The following KLRG1 variants were observed in gnomAD, a reference collection of about 807,000 sequenced individuals.
The protein encoded by KLRG1 is killer cell lectin like receptor G1.
In KLRG1, 16 loss-of-function variants were observed where a neutral mutation model predicts 21.8. That is an observed-to-expected ratio of 0.73 (90% CI 0.50 to 1.11). KLRG1 has a LOEUF of 1.11. Among genes scored for constraint, KLRG1 ranks in the 50% most tolerant of loss-of-function variants. KLRG1 has a pLI of 0.00. For missense variants in KLRG1, 173 were observed against 218.3 expected, an observed-to-expected ratio of 0.79 and a Z score of 1.31; for synonymous variants, 69 against 75.9, an observed-to-expected ratio of 0.91 and a Z score of 0.47.
At chr12:8,967,140 A>T in intron 1 of KLRG1, among the ~76,000 whole-genome samples, 1 of 137,926 alleles carries the variant, frequency 7.3e-6, no homozygotes, top group Non-Finnish European at 1.5e-5. Flanking sequence ...AACTATGAGA[A>T]CACATGGACA....
the KLRG1 span, among the ~76,000 whole-genome samples, chr12:9,081,265 AAAC>A: frequency 2.0e-5 from 3 of 152,346 alleles, no homozygotes; most frequent in Middle Eastern, 3.4e-3. Context: ...ATATAAATTA[AAAC>A]AACAGCAAAA....
At chr12:9,052,616 C>T in the KLRG1 span, among the ~76,000 whole-genome samples, 1 of 152,156 alleles carries the variant, frequency 6.6e-6, no homozygotes, top group Non-Finnish European at 1.5e-5. Flanking sequence ...CATCTGATAT[C>T]TCAAAAGAAG....
the KLRG1 span, among the ~76,000 whole-genome samples, chr12:9,100,165 A>G: frequency 1.3e-5 from 2 of 152,198 alleles, no homozygotes; most frequent in Non-Finnish European, 2.9e-5. Context: ...CAGTCGGTAG[A>G]AGTACCCAAT....
chr12:8,977,290 G>A lies in KLRG1; in HGVS notation c.-155-14916G>A, dbSNP rs186971558. ...GTGATCTCGGCTCACTGCAAGCTCC[G>A]CCTCCTGGGTTCTGGCCATATTCCT... On this transcript the variant is annotated intron_variant, in intron 1 of 4. Transcript: ENST00000539240. 7.9e-4 allele frequency among the ~76,000 whole-genome samples: 119 copies of A among 150,508 alleles called. 2 individuals carry two copies. Among genetic ancestry groups the A allele is most frequent in the African/African-American group, 2.8e-3 (113 of 40,812 alleles).
At chr12:9,109,501 T>C in the KLRG1 span, 3 of 926,678 alleles carry the variant, frequency 3.2e-6, no homozygotes, top group East Asian at 7.8e-5. Flanking sequence ...AATAATATTT[T>C]AGGGCTCTGA....
chr12:9,022,956 C>T, the KLRG1 span, among the ~76,000 whole-genome samples: 1 of 152,234 alleles, frequency 6.6e-6, no homozygotes, highest in Non-Finnish European at 1.5e-5. Flanking sequence ...TTCTCACATG[C>T]CTTACCCCAT....
chr12:9,128,745 A>G, the KLRG1 span: 1 of 152,110 alleles, frequency 6.6e-6, no homozygotes, highest in Non-Finnish European at 1.5e-5. Flanking sequence ...CTTACCTGCT[A>G]ATAAAATTTT....
In KLRG1 at chr12:9,009,058, A is replaced by AC; in HGVS notation, c.443dup (p.Leu149SerfsTer9). The AC allele has an allele frequency of 7.4e-6, 12 of 1,612,942 alleles. No individual in the cohort carries two copies. Among genetic ancestry groups the AC allele is most frequent in the Non-Finnish European group, 1.0e-5 (12 of 1,179,292 alleles). ...CTGGCTGGAGGTGGGAAGATGGATCACCTCTAAACTTCTCAAGGTAAGGGG... is the reference window on the plus strand; with the variant it reads ...CTGGCTGGAGGTGGGAAGATGGATCACCCTCTAAACTTCTCAAGGTAAGGGG... On this transcript the variant is annotated frameshift_variant, in exon 4 of 5. Coordinates refer to ENST00000356986, the MANE Select transcript of KLRG1 (RefSeq NM_005810.4). LOFTEE classifies it low-confidence loss of function (END_TRUNC).
At chr12:9,087,480 T>C in the KLRG1 span, among the ~76,000 whole-genome samples, 1 of 151,934 alleles carries the variant, frequency 6.6e-6, no homozygotes, top group Non-Finnish European at 1.5e-5. Context: ...GAGCAGAGAG[T>C]AGAATGGTGG....
At chr12:8,985,234 C>T (rs1946824043), upstream of KLRG1, among the ~76,000 whole-genome samples, 1 of 148,722 alleles carries the variant, frequency 6.7e-6, no homozygotes, top group African/African-American at 2.5e-5. Flanking sequence ...AGTAGAGTAC[C>T]ACTCAATTTA....
chr12:9,142,861 C>T, the KLRG1 span, among the ~76,000 whole-genome samples: 38,555 of 152,028 alleles, frequency 0.25, 5,612 homozygotes, highest in Admixed American at 0.33. Flanking sequence ...AGGTTTTTCC[C>T]CAAATGGGAT....
At chr12:8,956,499 C>T (rs957726096) in intron 1 of KLRG1, among the ~76,000 whole-genome samples, 5 of 152,070 alleles carry the variant, frequency 3.3e-5, no homozygotes, top group Admixed American at 6.5e-5. Context: ...GACTGGAGTG[C>T]AGTGGTGTGA....
At chr12:9,119,085 A>C in the KLRG1 span, among the ~76,000 whole-genome samples, 1 of 152,202 alleles carries the variant, frequency 6.6e-6, no homozygotes, top group Non-Finnish European at 1.5e-5. Flanking sequence ...GAGAATAGTC[A>C]ATAGAAGATT....
downstream of KLRG1, among the ~76,000 whole-genome samples, chr12:9,012,229 G>GTC (rs2137463310): frequency 6.6e-6 from 1 of 152,312 alleles, no homozygotes; most frequent in South Asian, 2.1e-4. Flanking sequence ...TTCCACCTGA[G>GTC]GAGAGGAGAT....
chr12:9,101,037 C>G, the KLRG1 span: 1 of 1,017,102 alleles, frequency 9.8e-7, no homozygotes, highest in Non-Finnish European at 1.4e-6. Context: ...ACCACCTGTT[C>G]CCCCAAAAAC....
the KLRG1 span, among the ~76,000 whole-genome samples, chr12:9,096,302 A>G: frequency 3.2e-3 from 492 of 152,336 alleles, 2 homozygotes; most frequent in African/African-American, 0.011. Flanking sequence ...TCAACACTGG[A>G]ATGAAATAAA....
At chr12:9,091,290 C>A in the KLRG1 span, 58 of 1,614,004 alleles carry the variant, frequency 3.6e-5, no homozygotes, top group African/African-American at 5.1e-4. Flanking sequence ...GTGAGCTCCA[C>A]AAAGAAGGGC....
chr12:9,120,852 CGTGTGTGTGT>C, the KLRG1 span, among the ~76,000 whole-genome samples: 6 of 143,408 alleles, frequency 4.2e-5, no homozygotes, highest in East Asian at 2.1e-4. Context: ...ATCCCACTAA[CGTGTGTGTGT>C]GTGTGTGTGT....
At chr12:9,049,554 T>C in the KLRG1 span, among the ~76,000 whole-genome samples, 1 of 152,196 alleles carries the variant, frequency 6.6e-6, no homozygotes, top group East Asian at 1.9e-4. Context: ...ATTCTGCCCA[T>C]AGATAAGGAT....
Sources: allele counts gnomAD v4.1 joint callset (sites outside exome capture counted in the v4.1 genomes callset), GRCh38; gene constraint gnomAD v4.1.1; transcripts MANE v1.5; gene names NCBI Gene and HGNC (gene_info 2026-07-23, HGNC 2026-07-21).